The following CAMK4 variants were observed in gnomAD, a reference collection of about 807,000 sequenced individuals.
CAMK4 encodes the protein calcium/calmodulin dependent protein kinase IV.
In CAMK4, 22 loss-of-function variants were observed where a neutral mutation model predicts 44.9. The observed-to-expected ratio is 0.49, with a 90% confidence interval of 0.35 to 0.70. The LOEUF is 0.70. Ranked by LOEUF, CAMK4 falls within the 30% of genes least tolerant of loss-of-function variation. CAMK4 has a pLI of 0.01. For synonymous variants in CAMK4, 218 were observed against 215.4 expected (o/e 1.01, Z -0.11); for missense variants, 498 against 586.8 (o/e 0.85, Z 1.56).
chr5:111,403,933 C>T (rs1004110293), intron 5 of CAMK4, among the ~76,000 whole-genome samples: 5 of 152,230 alleles, frequency 3.3e-5, no homozygotes, highest in Admixed American at 6.5e-5. Context: ...TGATCGTCTT[C>T]GTTAACTTAA....
chr5:111,469,061 T>TTG (rs1754948961), intron 7 of CAMK4, among the ~76,000 whole-genome samples: 1 of 147,620 alleles, frequency 6.8e-6, no homozygotes, highest in African/African-American at 2.5e-5. Flanking sequence ...CGAGAAGCGC[T>TTG]TGAACCCAGG....
chr5:111,229,452 A>G (rs1302992659), intron 1 of CAMK4, among the ~76,000 whole-genome samples: 1 of 152,268 alleles, frequency 6.6e-6, no homozygotes, highest in Non-Finnish European at 1.5e-5. Flanking sequence ...AGCCCCACCT[A>G]TAAATACCAT....
At chr5:111,296,888 C>T (rs749455656) in intron 1 of CAMK4, among the ~76,000 whole-genome samples, 3 of 152,164 alleles carry the variant, frequency 2.0e-5, no homozygotes, top group Non-Finnish European at 4.4e-5. Context: ...TAAATCAATA[C>T]ATTTTAGACA....
chr5:111,382,614 A>G (rs1169226217), intron 4 of CAMK4, among the ~76,000 whole-genome samples: 1 of 152,170 alleles, frequency 6.6e-6, no homozygotes, highest in Non-Finnish European at 1.5e-5. Context: ...ATACTATTTA[A>G]TCATTAGAGC....
At chr5:111,240,210 G>T (rs898873557) in intron 1 of CAMK4, among the ~76,000 whole-genome samples, 1 of 150,776 alleles carries the variant, frequency 6.6e-6, no homozygotes, top group African/African-American at 2.4e-5. Context: ...CATTCTAAAT[G>T]TTGCATTCTT....
intron 7 of CAMK4, among the ~76,000 whole-genome samples, chr5:111,452,240 C>A (rs1412499763): frequency 6.6e-6 from 1 of 152,108 alleles, no homozygotes; most frequent in East Asian, 1.9e-4. Context: ...CTTTGTATGA[C>A]TAGAACATAG....
At chr5:111,361,078 T>A (rs187183786) in intron 2 of CAMK4, among the ~76,000 whole-genome samples, 1 of 152,206 alleles carries the variant, frequency 6.6e-6, no homozygotes, top group East Asian at 1.9e-4. Context: ...CCAGGTTCTT[T>A]GAAAAAGGTC....
At chr5:111,350,532 G>A (rs969971530) in intron 2 of CAMK4, among the ~76,000 whole-genome samples, 7 of 151,840 alleles carry the variant, frequency 4.6e-5, no homozygotes, top group African/African-American at 1.7e-4. Context: ...GGTACATCTC[G>A]GATGCCTATA....
chr5:111,333,773 A>G (rs935291892), intron 1 of CAMK4, among the ~76,000 whole-genome samples: 1 of 151,626 alleles, frequency 6.6e-6, no homozygotes, highest in South Asian at 2.1e-4. Flanking sequence ...AGTAGAGAAT[A>G]TAATAATTCA....
intron 7 of CAMK4, among the ~76,000 whole-genome samples, chr5:111,461,738 C>T (rs542907275): frequency 1.4e-5 from 2 of 141,428 alleles, no homozygotes; most frequent in Admixed American, 7.6e-5. Flanking sequence ...TAGAGAGACT[C>T]TAGATGCTGG....
At position 111,436,454 on chromosome 5, in the gene CAMK4, A is replaced by G. The variant is rs533622968; in HGVS notation, c.460-10232A>G. Among the ~76,000 whole-genome samples, 37 of 152,262 alleles carry G rather than the reference A, an allele frequency of 2.4e-4. No homozygotes were observed. In the South Asian group the frequency reaches 4.4e-3, roughly 18 times the overall value. On this transcript the variant is annotated intron_variant, in intron 5 of 10. Coordinates refer to ENST00000282356, the MANE Select transcript of CAMK4 (RefSeq NM_001744.6). ...CAGAGGCTTTCATCATTATCTTTCT[A>G]CCAGCATCCTGTTCTTTTCCCCTAT...
intron 5 of CAMK4, among the ~76,000 whole-genome samples, chr5:111,408,162 T>C (rs1752505515): frequency 6.6e-6 from 1 of 152,152 alleles, no homozygotes; most frequent in Non-Finnish European, 1.5e-5. Context: ...GAAATATCAA[T>C]GTCTCATGAC....
intron 7 of CAMK4, among the ~76,000 whole-genome samples, chr5:111,472,519 A>G (rs1755102106): frequency 6.6e-6 from 1 of 152,178 alleles, no homozygotes; most frequent in African/African-American, 2.4e-5. Context: ...CTTAGTACTC[A>G]GGGAAAGTGC....
chr5:111,445,355 A>G (rs1753988186), intron 5 of CAMK4, among the ~76,000 whole-genome samples: 1 of 152,192 alleles, frequency 6.6e-6, no homozygotes, highest in South Asian at 2.1e-4. Context: ...ATAAGTAGGA[A>G]AATGGAGGAA....
At chr5:111,379,711 G>A (rs1403509520) in intron 4 of CAMK4, among the ~76,000 whole-genome samples, 1 of 151,980 alleles carries the variant, frequency 6.6e-6, no homozygotes, top group South Asian at 2.1e-4. Context: ...TTCATTCCTG[G>A]TCTAATGATG....
intron 1 of CAMK4, among the ~76,000 whole-genome samples, chr5:111,258,679 G>A (rs937164859): frequency 2.0e-5 from 3 of 151,462 alleles, no homozygotes; most frequent in Non-Finnish European, 4.4e-5. Context: ...TACAATTCAA[G>A]TTGAGATTTG....
At chr5:111,365,741 G>A (rs1750769712) in intron 2 of CAMK4, among the ~76,000 whole-genome samples, 1 of 152,064 alleles carries the variant, frequency 6.6e-6, no homozygotes, top group African/African-American at 2.4e-5. Context: ...TGAGAACGCT[G>A]AAAAATGTGA....
intron 5 of CAMK4, among the ~76,000 whole-genome samples, chr5:111,444,131 T>G (rs6883539): frequency 0.068 from 10,382 of 152,208 alleles, 436 homozygotes; most frequent in African/African-American, 0.11. Flanking sequence ...AAATGTTCAT[T>G]GAGCATCTCC....
chr5:111,236,652 T>C (rs769556779), intron 1 of CAMK4, among the ~76,000 whole-genome samples: 9 of 152,238 alleles, frequency 5.9e-5, no homozygotes, highest in Non-Finnish European at 1.2e-4. Flanking sequence ...GTGCCTCTCC[T>C]ATGAATCCCT....
Sources: gnomAD v4.1 joint callset for allele counts (sites outside exome capture counted in the v4.1 genomes callset) on GRCh38, gnomAD v4.1.1 for gene constraint, MANE v1.5 for transcripts, NCBI Gene and HGNC (gene_info 2026-07-23, HGNC 2026-07-21) for gene names.